The following FREM1 variants were observed in gnomAD, a reference collection of about 807,000 sequenced individuals.
The protein encoded by FREM1 is FRAS1 related extracellular matrix 1.
A neutral mutation model predicts 210.1 loss-of-function variants in FREM1; 220 were observed. That is an observed-to-expected ratio of 1.05 (90% CI 0.94 to 1.17). The LOEUF (loss-of-function observed/expected upper bound fraction) is 1.17, where lower values mean the gene tolerates loss of function less well. Ranked by LOEUF, FREM1 falls within the 50% of genes most tolerant of loss-of-function variation. The pLI, the probability that FREM1 is intolerant of heterozygous loss-of-function variation, is 0.00. For missense variants in FREM1, 3,454 were observed against 2,675.5 expected (o/e 1.29, Z -6.42); for synonymous variants, 1,189 against 980.2 (o/e 1.21, Z -3.98).
At chr9:14,821,775 C>G (rs11787998) in intron 13 of FREM1, among the ~76,000 whole-genome samples, 31,611 of 152,132 alleles carry the variant, frequency 0.21, 3,601 homozygotes, top group Middle Eastern at 0.29. Context: ...ACGCCCTATG[C>G]AATGGCTGCT....
At chr9:14,878,489 A>T (rs1399568738) in intron 1 of FREM1, among the ~76,000 whole-genome samples, 1 of 152,182 alleles carries the variant, frequency 6.6e-6, no homozygotes, top group African/African-American at 2.4e-5. Context: ...TGTCAGTCTC[A>T]TCTCCTAGCA....
intron 1 of FREM1, among the ~76,000 whole-genome samples, chr9:14,909,462 A>C (rs991404195): frequency 6.6e-6 from 1 of 152,234 alleles, no homozygotes; most frequent in African/African-American, 2.4e-5. Context: ...GTCTCCAAAT[A>C]TAACTAAACT....
intron 1 of FREM1, among the ~76,000 whole-genome samples, chr9:14,877,842 C>T (rs916461928): frequency 6.6e-6 from 1 of 152,128 alleles, no homozygotes; most frequent in Admixed American, 6.6e-5. Context: ...GACCCCAGAC[C>T]AAGGGAAATT....
chr9:14,844,040 C>G (rs1564058745), intron 8 of FREM1, among the ~76,000 whole-genome samples: 1 of 152,054 alleles, frequency 6.6e-6, no homozygotes, highest in East Asian at 1.9e-4. Context: ...TATGAGATAA[C>G]AAGTTAAAGT....
Position 14,748,618 on chromosome 9 carries a change from G to T in FREM1, c.5579C>A (p.Ser1860Tyr), listed in dbSNP as rs1421557405. Residue 1860 changes from serine (S) to tyrosine (Y), a missense_variant, in exon 31 of 37, where the codon TCC becomes TAC. Coordinates refer to ENST00000380880, the MANE Select transcript of FREM1 (RefSeq NM_001379081.2). The stretch of plus-strand genomic sequence containing the variant: ...TGTGCTGTGCTTGCTTTGGTTGGAG[G>T]AATATGAAGGATGGCATTGTCCTGG... Reference protein sequence around the residue: ...SKGGQCHPSYSSNQSKHSTWE... With the variant: ...SKGGQCHPSYYSNQSKHSTWE... 6.2e-7 allele frequency: 1 copy of T among 1,613,058 alleles called. No individual in the cohort carries two copies. Among genetic ancestry groups the T allele is most frequent in the Admixed American group, 1.7e-5 (1 of 59,996 alleles).
At chr9:14,771,783 T>C (rs539568480) in intron 25 of FREM1, among the ~76,000 whole-genome samples, 1 of 152,274 alleles carries the variant, frequency 6.6e-6, no homozygotes, top group East Asian at 1.9e-4. Context: ...TGTATTATGA[T>C]ACAATGAACT....
rs41298151 is a variant in FREM1, at chr9:14,842,660, C to T, written c.1394G>A (p.Gly465Glu). 37 of 1,610,734 alleles carry T rather than the reference C, an allele frequency of 2.3e-5. No homozygotes were observed. The highest frequency in any genetic ancestry group is 1.5e-4 in the African/African-American group (11 of 74,998). Reference protein sequence around the residue: ...GLQHGWLTLRGGKGFLFTVAD... With the variant: ...GLQHGWLTLREGKGFLFTVAD... Reference sequence around the variant, plus strand: ...CACGGTGAAGAGAAACCCTTTCCCCCCTGAGGGAGAGAGCAGAGATGGAGC... The same window carrying T: ...CACGGTGAAGAGAAACCCTTTCCCCTCTGAGGGAGAGAGCAGAGATGGAGC... Residue 465 changes from glycine to glutamate, a missense_variant and splice_region_variant, in exon 9 of 37, where the codon GGG becomes GAG. Coordinates refer to ENST00000380880, the MANE Select transcript of FREM1 (RefSeq NM_001379081.2).
rs1819341739 is a variant in FREM1, at chr9:14,811,234, TG to T, written c.2893+1577del. ...GAAATAATTTGCCCCAATGTCCTAC[TG>T]GGTTTTATTTTAAAAAAAATTAGTT... On this transcript the variant is annotated intron_variant, in intron 16 of 36. Transcript: ENST00000380880. Among the ~76,000 whole-genome samples, 3 of 147,424 alleles carry T rather than the reference TG, an allele frequency of 2.0e-5. No homozygotes were observed. The South Asian group carries it at 6.4e-4, about 32-fold the overall frequency.
intron 16 of FREM1, 39 bp downstream of exon 16, chr9:14,812,773 T>A: frequency 2.6e-6 from 4 of 1,566,584 alleles, no homozygotes; most frequent in Non-Finnish European, 3.5e-6. Context: ...ACTCTCATGT[T>A]GCTTGCATTC....
intron 1 of FREM1, among the ~76,000 whole-genome samples, chr9:14,894,086 A>T (rs1837303365): frequency 6.6e-6 from 1 of 152,254 alleles, no homozygotes; most frequent in Non-Finnish European, 1.5e-5. Context: ...TGGATTTAAC[A>T]TTAATAGTAC....
intron 35 of FREM1, among the ~76,000 whole-genome samples, 190 bp from the exon 36 acceptor site, chr9:14,740,424 G>T (rs1340329372): frequency 1.3e-5 from 2 of 152,170 alleles, no homozygotes; most frequent in African/African-American, 4.8e-5. Context: ...TGACATCAAA[G>T]AAAGTGATGG....
Position 14,825,653 on chromosome 9 carries a change from A to G in FREM1, c.1882-661T>C, listed in dbSNP as rs139736450. ...AATATGTTCCTGGTTTTATTTTTAC[A>G]TCTCTCTTCTACCAACAACCTGTGC... On this transcript the variant is annotated intron_variant, in intron 10 of 36. Transcript: ENST00000380880. Among the ~76,000 whole-genome samples the G allele has an allele frequency of 1.9e-3, 284 of 150,518 alleles. 5 individuals are homozygous for G. The East Asian group carries it at 0.035, about 18-fold the overall frequency.
chr9:14,747,207 C>G, intron 33 of FREM1, 57 bp downstream of exon 33: 1 of 1,586,262 alleles, frequency 6.3e-7, no homozygotes, highest in South Asian at 1.1e-5. Flanking sequence ...AAGTGTGTTT[C>G]TGGCCCAGCA....
chr9:14,881,531 C>G (rs957725489), intron 1 of FREM1, among the ~76,000 whole-genome samples: 7 of 152,220 alleles, frequency 4.6e-5, no homozygotes, highest in Non-Finnish European at 1.5e-5. Flanking sequence ...TGATCAAAAT[C>G]TTCTATTTCA....
intron 2 of FREM1, among the ~76,000 whole-genome samples, chr9:14,867,664 C>A (rs980904483): frequency 6.6e-6 from 1 of 152,092 alleles, no homozygotes; most frequent in East Asian, 1.9e-4. Context: ...TACCTAGTAC[C>A]ACTTTTCAAT....
intron 1 of FREM1, among the ~76,000 whole-genome samples, chr9:14,904,422 T>C (rs1336862698): frequency 6.6e-6 from 1 of 152,226 alleles, no homozygotes; most frequent in Non-Finnish European, 1.5e-5. Flanking sequence ...AATCAGAGCC[T>C]GGAATGATGC....
intron 7 of FREM1, among the ~76,000 whole-genome samples, chr9:14,847,073 G>T (rs1588337163): frequency 6.6e-6 from 1 of 152,170 alleles, no homozygotes; most frequent in South Asian, 2.1e-4. Context: ...CATGTGGGGA[G>T]TTAACAGCCA....
At chr9:14,861,717 G>A (rs1830631606) in intron 3 of FREM1, among the ~76,000 whole-genome samples, 1 of 151,952 alleles carries the variant, frequency 6.6e-6, no homozygotes, top group South Asian at 2.1e-4. Context: ...ATGTTGACCA[G>A]GCTGGTCTCA....
At chr9:14,829,927 A>C (rs1002222711) in intron 10 of FREM1, among the ~76,000 whole-genome samples, 24 of 152,222 alleles carry the variant, frequency 1.6e-4, no homozygotes, top group South Asian at 6.2e-4. Flanking sequence ...AGATGCAGAG[A>C]GAGGACCAGA....
Sources: gnomAD v4.1 joint callset for allele counts (sites outside exome capture counted in the v4.1 genomes callset) on GRCh38, gnomAD v4.1.1 for gene constraint, MANE v1.5 for transcripts, NCBI Gene and HGNC (gene_info 2026-07-23, HGNC 2026-07-21) for gene names.